NRTN: variants seen among roughly 807,000 people sequenced by gnomAD.
NRTN encodes the protein neurturin.
NRTN carries 3 observed loss-of-function variants against 7.5 expected under a neutral mutation model. That is an observed-to-expected ratio of 0.40 (90% CI 0.18 to 1.03). The LOEUF (loss-of-function observed/expected upper bound fraction) is 1.03, where lower values mean the gene tolerates loss of function less well. NRTN is among the 50% of genes least tolerant of loss of function. NRTN has a pLI of 0.34. For missense variants in NRTN, 310 were observed against 307.0 expected (o/e 1.01, Z -0.07); for synonymous variants, 157 against 146.6 (o/e 1.07, Z -0.51).
intron 2 of NRTN, 115 bp downstream of exon 2, chr19:5,824,449 C>A (rs998990105): frequency 3.0e-6 from 4 of 1,335,524 alleles, no homozygotes; most frequent in Admixed American, 4.0e-5. Context: ...TAGGGCCAGC[C>A]AGCCCCCTTG....
intron 1 of NRTN, among the ~76,000 whole-genome samples, chr19:5,815,598 G>A (rs2057002810): frequency 6.6e-6 from 1 of 151,756 alleles, no homozygotes; most frequent in African/African-American, 2.4e-5. Context: ...ACCACACCCG[G>A]CTAATTTTTG....
At chr19:5,821,836 A>C (rs1220363522) in intron 1 of NRTN, among the ~76,000 whole-genome samples, 1 of 152,166 alleles carries the variant, frequency 6.6e-6, no homozygotes, top group East Asian at 1.9e-4. Flanking sequence ...AACAGTCTCA[A>C]GTACCACCAA....
chr19:5,816,046 A>AGTTTCACCAGTATTTCTGCTAACG (rs1568397365), intron 1 of NRTN, among the ~76,000 whole-genome samples: 4 of 151,844 alleles, frequency 2.6e-5, no homozygotes, highest in African/African-American at 9.7e-5. Flanking sequence ...TGCCTGGCCG[A>AGTTTCACCAGTATTTCTGCTAACG]TGGTGTCTTT....
chr19:5,811,711 T>G (rs528462431), intron 1 of NRTN, among the ~76,000 whole-genome samples: 117 of 83,644 alleles, frequency 1.4e-3, no homozygotes, highest in Non-Finnish European at 2.5e-3. Flanking sequence ...TTGTTTTTTG[T>G]TTTTTTTTTT....
In NRTN at chr19:5,824,070, C is replaced by CCCCA; in HGVS notation, c.-94_-91dup. 2.7e-6 allele frequency: 4 copies of CCCCA among 1,490,410 alleles called. No individual in the cohort carries two copies. Among genetic ancestry groups the CCCCA allele is most frequent in the Non-Finnish European group, 3.7e-6 (4 of 1,084,106 alleles). 92.3% of individuals were successfully genotyped at this position (1,490,410 alleles called of 1,614,324 possible). On this transcript the variant is annotated 5_prime_UTR_variant, in exon 2 of 3. Coordinates refer to ENST00000303212, the MANE Select transcript of NRTN (RefSeq NM_004558.5). ...TTCGGCAGGCGTTCAAAGTCAAAGG[C>CCCCA]CCCACACTGAGTCCTGGCCCAGCGC...
chr19:5,810,112 A>G (rs1001037993), intron 1 of NRTN, among the ~76,000 whole-genome samples: 3 of 150,314 alleles, frequency 2.0e-5, no homozygotes, highest in Admixed American at 6.6e-5. Context: ...AAAAATACAA[A>G]AAAAATTAGC....
intron 1 of NRTN, among the ~76,000 whole-genome samples, chr19:5,817,975 C>CT (rs1336449999): frequency 2.7e-5 from 4 of 145,746 alleles, no homozygotes; most frequent in Middle Eastern, 3.3e-3. Context: ...AATTTTTTTT[C>CT]TTTTTTGAGA....
intron 2 of NRTN, among the ~76,000 whole-genome samples, chr19:5,824,896 G>C (rs1385193952): frequency 6.6e-6 from 1 of 152,174 alleles, no homozygotes; most frequent in African/African-American, 2.4e-5. Flanking sequence ...GGGTCTTTCG[G>C]CTCAGCTGTC....
intron 1 of NRTN, among the ~76,000 whole-genome samples, chr19:5,813,975 T>C (rs966965325): frequency 2.0e-5 from 3 of 152,064 alleles, no homozygotes; most frequent in Non-Finnish European, 4.4e-5. Context: ...ACCATTGCGC[T>C]CCAGCCTGGG....
At chr19:5,809,397 C>T (rs994781509) in intron 1 of NRTN, among the ~76,000 whole-genome samples, 11 of 151,842 alleles carry the variant, frequency 7.2e-5, no homozygotes, top group Admixed American at 7.2e-4. Flanking sequence ...GTCTCAAAAC[C>T]CTGGGCTCAA....
intron 1 of NRTN, among the ~76,000 whole-genome samples, chr19:5,821,855 A>G (rs969558884): frequency 6.6e-6 from 1 of 152,166 alleles, no homozygotes; most frequent in Non-Finnish European, 1.5e-5. Flanking sequence ...AATAGTGCTG[A>G]GTTCTCAGGG....
chr19:5,808,435 A>G (rs2056980210), intron 1 of NRTN, among the ~76,000 whole-genome samples: 1 of 152,304 alleles, frequency 6.6e-6, no homozygotes, highest in South Asian at 2.1e-4. Flanking sequence ...TGGCAACTTT[A>G]TAGCCCAACC....
At chr19:5,817,372 A>G (rs1259408857) in intron 1 of NRTN, among the ~76,000 whole-genome samples, 1 of 147,790 alleles carries the variant, frequency 6.8e-6, no homozygotes, top group African/African-American at 2.5e-5. Context: ...AGAGAGAGGG[A>G]AGGAAGGAGG....
chr19:5,810,749 T>A (rs562544125), intron 1 of NRTN, among the ~76,000 whole-genome samples: 3 of 151,416 alleles, frequency 2.0e-5, no homozygotes, highest in African/African-American at 7.3e-5. Flanking sequence ...GCCAACATGG[T>A]GAAACCCCAT....
At chr19:5,826,664 T>C (rs1358249169) in intron 2 of NRTN, among the ~76,000 whole-genome samples, 1 of 152,160 alleles carries the variant, frequency 6.6e-6, no homozygotes, top group African/African-American at 2.4e-5. Context: ...TGCCACCTGC[T>C]CTGGGGCTGG....
At chr19:5,817,878 C>G (rs765392497) in intron 1 of NRTN, among the ~76,000 whole-genome samples, 1 of 152,200 alleles carries the variant, frequency 6.6e-6, no homozygotes, top group Non-Finnish European at 1.5e-5. Context: ...CAGCTCACTG[C>G]AACCTCTGCC....
chr19:5,811,235 G>GA (rs972875562), intron 1 of NRTN, among the ~76,000 whole-genome samples: 25 of 152,018 alleles, frequency 1.6e-4, no homozygotes, highest in South Asian at 1.0e-3. Flanking sequence ...TTGAAAAAAA[G>GA]AAAAAAATAG....
intron 1 of NRTN, among the ~76,000 whole-genome samples, chr19:5,819,065 G>A (rs2057014775): frequency 6.6e-6 from 1 of 152,212 alleles, no homozygotes; most frequent in Admixed American, 6.5e-5. Context: ...TCCAAGACTT[G>A]AATGTGTGGG....
intron 2 of NRTN, among the ~76,000 whole-genome samples, chr19:5,827,211 G>T (rs528214779): frequency 1.3e-5 from 2 of 152,296 alleles, no homozygotes; most frequent in East Asian, 3.9e-4. Flanking sequence ...CTGAAGAGGG[G>T]GCTCTAGAGA....
Sources: gnomAD v4.1 joint callset for allele counts (sites outside exome capture counted in the v4.1 genomes callset) on GRCh38, gnomAD v4.1.1 for gene constraint, MANE v1.5 for transcripts, NCBI Gene and HGNC (gene_info 2026-07-23, HGNC 2026-07-21) for gene names.